SCLT1: variants seen among roughly 807,000 people sequenced by gnomAD.
SCLT1 encodes the protein sodium channel and clathrin linker 1.
Under a neutral mutation model 112.8 loss-of-function variants are expected in SCLT1, and 78 were observed. The observed-to-expected ratio is 0.69, with a 90% confidence interval of 0.58 to 0.83. The LOEUF is 0.83. Among genes scored for constraint, SCLT1 ranks in the 40% least tolerant of loss-of-function variants. The pLI, the probability that SCLT1 is intolerant of heterozygous loss-of-function variation, is 0.00. For missense variants in SCLT1, 747 were observed against 770.4 expected, an observed-to-expected ratio of 0.97 and a Z score of 0.36; for synonymous variants, 257 against 254.7, an observed-to-expected ratio of 1.01 and a Z score of -0.09.
At chr4:128,877,874 C>A (rs1265678993) in intron 3 of SCLT1, among the ~76,000 whole-genome samples, 1 of 152,084 alleles carries the variant, frequency 6.6e-6, no homozygotes, top group Admixed American at 6.6e-5. Flanking sequence ...CAATTAGTTC[C>A]AGCCTTATTC....
chr4:128,888,499 C>T (rs917797032), intron 20 of SCLT1, among the ~76,000 whole-genome samples, 180 bp downstream of exon 20: 5 of 152,072 alleles, frequency 3.3e-5, no homozygotes, highest in Admixed American at 1.3e-4. Context: ...ATTACAGTTG[C>T]GAGCCACCAC....
chr4:128,914,487 G>T (rs73850029), intron 18 of SCLT1, among the ~76,000 whole-genome samples: 2,502 of 152,174 alleles, frequency 0.016, 55 homozygotes, highest in African/African-American at 0.051. Flanking sequence ...AATGAGATTG[G>T]ACATACATGT....
chr4:129,026,306 C>T (rs562583398), intron 5 of SCLT1, among the ~76,000 whole-genome samples: 126 of 152,194 alleles, frequency 8.3e-4, no homozygotes, highest in African/African-American at 2.9e-3. Flanking sequence ...GGAAGTAAAG[C>T]TCTCCTCAGC....
At chr4:128,895,311 A>G (rs1733654580) in intron 18 of SCLT1, among the ~76,000 whole-genome samples, 1 of 152,142 alleles carries the variant, frequency 6.6e-6, no homozygotes, top group Non-Finnish European at 1.5e-5. Flanking sequence ...AATGGCTCTC[A>G]GCTATTGGAC....
chr4:128,904,484 T>A (rs938519395), intron 18 of SCLT1, among the ~76,000 whole-genome samples: 2 of 152,176 alleles, frequency 1.3e-5, no homozygotes, highest in South Asian at 4.1e-4. Context: ...AATACTGTAA[T>A]CAACACTGAT....
chr4:129,048,446 A>AT (rs1748410362), intron 2 of SCLT1, among the ~76,000 whole-genome samples: 1 of 150,228 alleles, frequency 6.7e-6, no homozygotes, highest in East Asian at 1.9e-4. Flanking sequence ...CTGAAACTGG[A>AT]TCCCTTCCTT....
chr4:128,879,875 A>G (rs757650745), downstream of SCLT1, among the ~76,000 whole-genome samples: 34 of 152,200 alleles, frequency 2.2e-4, no homozygotes, highest in Non-Finnish European at 4.0e-4. Context: ...AGATTTCCTT[A>G]TATTTTATAT....
intron 18 of SCLT1, among the ~76,000 whole-genome samples, chr4:128,897,929 C>G (rs1733920199): frequency 6.6e-6 from 1 of 152,022 alleles, no homozygotes; most frequent in African/African-American, 2.4e-5. Context: ...ACAAAGAAGG[C>G]CATTACATAA....
intron 5 of SCLT1, among the ~76,000 whole-genome samples, chr4:129,009,131 G>T (rs1041217727): frequency 2.0e-5 from 3 of 152,166 alleles, no homozygotes; most frequent in African/African-American, 7.2e-5. Flanking sequence ...ACATGTGAGT[G>T]CATGTGTCTT....
intron 5 of SCLT1, among the ~76,000 whole-genome samples, chr4:129,004,540 T>C (rs1400995899): frequency 1.3e-5 from 2 of 152,066 alleles, no homozygotes; most frequent in African/African-American, 4.8e-5. Context: ...AAAGAATGAT[T>C]GTTTTAATTT....
At chr4:128,926,601 A>G (rs1428131031) in intron 18 of SCLT1, among the ~76,000 whole-genome samples, 1 of 152,134 alleles carries the variant, frequency 6.6e-6, no homozygotes, top group Admixed American at 6.5e-5. Flanking sequence ...TCCCAGATGG[A>G]ATGTATGAGA....
chr4:129,013,641 C>T (rs1487963049), intron 5 of SCLT1, among the ~76,000 whole-genome samples: 2 of 152,142 alleles, frequency 1.3e-5, no homozygotes, highest in Non-Finnish European at 1.5e-5. Context: ...CCCCCAATTG[C>T]TTCTGGCTTG....
chr4:128,933,432 C>G (rs1736933005), intron 18 of SCLT1, among the ~76,000 whole-genome samples: 1 of 151,866 alleles, frequency 6.6e-6, no homozygotes, highest in Admixed American at 6.6e-5. Flanking sequence ...CCAGATAGTC[C>G]CCACATGGGC....
At chr4:128,926,386 T>C (rs1304187012) in intron 18 of SCLT1, among the ~76,000 whole-genome samples, 1 of 152,190 alleles carries the variant, frequency 6.6e-6, no homozygotes, top group Non-Finnish European at 1.5e-5. Flanking sequence ...CTTGATGTTT[T>C]GTCAGTTCAC....
At chr4:128,899,984 C>T (rs1734132245) in intron 18 of SCLT1, among the ~76,000 whole-genome samples, 2 of 152,150 alleles carry the variant, frequency 1.3e-5, no homozygotes, top group South Asian at 2.1e-4. Flanking sequence ...TGAAGGACCT[C>T]TTCAAGGAGA....
intron 17 of SCLT1, among the ~76,000 whole-genome samples, chr4:128,937,675 A>AT (rs1737330107): frequency 6.6e-6 from 1 of 152,192 alleles, no homozygotes; most frequent in Non-Finnish European, 1.5e-5. Context: ...TGAATGAATT[A>AT]TTTTTCAGGA....
At chr4:129,091,412 T>A (rs1752810676) in intron 1 of SCLT1, among the ~76,000 whole-genome samples, 1 of 151,970 alleles carries the variant, frequency 6.6e-6, no homozygotes, top group Non-Finnish European at 1.5e-5. Flanking sequence ...AGTTGTCTTA[T>A]TTGTTTTCCC....
intron 5 of SCLT1, among the ~76,000 whole-genome samples, chr4:129,010,207 C>G (rs779568605): frequency 5.3e-5 from 8 of 152,070 alleles, no homozygotes; most frequent in Non-Finnish European, 5.9e-5. Flanking sequence ...TTAGGTTTGT[C>G]GAGAATCAGA....
intron 2 of SCLT1, among the ~76,000 whole-genome samples, chr4:129,059,563 T>C (rs1349285921): frequency 2.6e-5 from 4 of 152,210 alleles, no homozygotes; most frequent in Non-Finnish European, 4.4e-5. Flanking sequence ...ATGAATTTTC[T>C]CAGTTTGTGT....
Sources: allele counts gnomAD v4.1 joint callset (sites outside exome capture counted in the v4.1 genomes callset), GRCh38; gene constraint gnomAD v4.1.1; transcripts MANE v1.5; gene names NCBI Gene and HGNC (gene_info 2026-07-23, HGNC 2026-07-21).